ZNF423: variants seen among roughly 807,000 people sequenced by gnomAD.
ZNF423 encodes the protein zinc finger protein 423.
Under a neutral mutation model 95.8 loss-of-function variants are expected in ZNF423, and 12 were observed. The observed-to-expected ratio is 0.13, with a 90% confidence interval of 0.08 to 0.20. The LOEUF (loss-of-function observed/expected upper bound fraction) is 0.20. Among genes scored for constraint, ZNF423 ranks in the 10% least tolerant of loss-of-function variants. The probability of loss-of-function intolerance (pLI) is 1.00; values close to 1 mark genes in which losing one functional copy is unlikely to be tolerated. For synonymous variants in ZNF423, 749 were observed against 711.9 expected, an observed-to-expected ratio of 1.05 and a Z score of -0.83; for missense variants, 1,316 against 1,737.1, an observed-to-expected ratio of 0.76 and a Z score of 4.31.
At chr16:49,819,635 G>T (rs2034909467) in intron 1 of ZNF423, among the ~76,000 whole-genome samples, 1 of 152,100 alleles carries the variant, frequency 6.6e-6, no homozygotes, top group African/African-American at 2.4e-5. Flanking sequence ...TTTTAGTAGA[G>T]ACAGTGTTTC....
intron 5 of ZNF423, among the ~76,000 whole-genome samples, chr16:49,538,529 C>G (rs1486130398): frequency 1.3e-5 from 2 of 152,218 alleles, no homozygotes; most frequent in African/African-American, 4.8e-5. Flanking sequence ...GGCTCCACAG[C>G]CATCATTTCC....
intron 1 of ZNF423, among the ~76,000 whole-genome samples, chr16:49,803,194 G>GGAGTTAT (rs1377606964): frequency 6.6e-6 from 1 of 152,152 alleles, no homozygotes; most frequent in Non-Finnish European, 1.5e-5. Flanking sequence ...AGGAAGTCAA[G>GGAGTTAT]GCTGCAGTGA....
In ZNF423 at chr16:49,638,755, C is replaced by T; in HGVS notation, c.421G>A (p.Gly141Ser). The T allele has an allele frequency of 1.9e-6, 3 of 1,614,116 alleles. No homozygotes were observed. The highest frequency in any genetic ancestry group is 1.7e-5 in the Admixed American group (1 of 60,024). ...TGGCAAGGGTATGGCAGGCCCGTGC[C>T]CCCTTCCTCCTCGCCGAGGCCGAGG... Reference protein sequence around the residue: ...CDLGLGEEEGGTGLPYPCQFC... With the variant: ...CDLGLGEEEGSTGLPYPCQFC... Residue 141 changes from glycine to serine, a missense_variant, in exon 4 of 8, where the codon GGC (glycine) becomes AGC (serine). By Grantham distance (56) the Gly-to-Ser change is moderately conservative. This residue lies in a region of ZNF423 where 155 missense variants were observed against 170.8 expected (regional missense o/e 0.91). Coordinates refer to ENST00000563137, the MANE Select transcript of ZNF423 (RefSeq NM_001379286.1). This position sits in a 1 kb window ranked among gnomAD's most constrained non-coding sequence, Gnocchi z 5.6.
intron 3 of ZNF423, among the ~76,000 whole-genome samples, chr16:49,687,755 G>C (rs1471307481): frequency 1.3e-5 from 2 of 152,184 alleles, no homozygotes; most frequent in African/African-American, 4.8e-5. Flanking sequence ...TGCGGCTCCT[G>C]TTTCCACAGC....
chr16:49,491,297 G>T lies in ZNF423; in HGVS notation c.3857C>A (p.Thr1286Lys), dbSNP rs369646519. Residue 1286 changes from threonine to lysine, a missense_variant, in exon 8 of 8, where the codon ACG (threonine) becomes AAG (lysine). Transcript: ENST00000563137. ...FFFQTELQNH[T>K]MSQHAQ ...CCCTCACTGTGCGTGCTGGCTCATC[G>T]TGTGGTTCTGCAAAGGCGAAGAAAG... 1.6e-4 allele frequency: 265 copies of T among 1,613,924 alleles called. No individual in the cohort carries two copies. Among genetic ancestry groups the T allele is most frequent in the Non-Finnish European group, 2.2e-4 (257 of 1,180,042 alleles).
At chr16:49,633,131 C>T (rs1471644976) in intron 4 of ZNF423, among the ~76,000 whole-genome samples, 3 of 152,180 alleles carry the variant, frequency 2.0e-5, no homozygotes, top group Admixed American at 6.5e-5. Context: ...GGGTTCAAGT[C>T]TCCTCTCAGC....
intron 1 of ZNF423, among the ~76,000 whole-genome samples, chr16:49,827,652 A>T (rs1449741284): frequency 6.6e-6 from 1 of 152,044 alleles, no homozygotes; most frequent in Admixed American, 6.6e-5. Flanking sequence ...AGTAGCTGGG[A>T]CTACAGGCAT....
chr16:49,528,107 C>A (rs1461308930), intron 5 of ZNF423, among the ~76,000 whole-genome samples: 1 of 152,200 alleles, frequency 6.6e-6, no homozygotes, highest in African/African-American at 2.4e-5. Flanking sequence ...GCTGAGACGG[C>A]AAACAGGATT....
intron 7 of ZNF423, among the ~76,000 whole-genome samples, chr16:49,506,312 T>C (rs978200318): frequency 6.6e-6 from 1 of 151,574 alleles, no homozygotes; most frequent in Admixed American, 6.6e-5. Flanking sequence ...TATGGGGGAA[T>C]GGATGGTAGA....
At chr16:49,585,805 G>A (rs567008506) in intron 5 of ZNF423, among the ~76,000 whole-genome samples, 1 of 152,188 alleles carries the variant, frequency 6.6e-6, no homozygotes, top group Non-Finnish European at 1.5e-5. Context: ...TCCGTCATGA[G>A]AGGCAAGCCA....
intron 1 of ZNF423, among the ~76,000 whole-genome samples, chr16:49,840,333 T>TG (rs916434529): frequency 1.5e-4 from 23 of 152,210 alleles, no homozygotes; most frequent in African/African-American, 4.1e-4. Context: ...TTTCTCTTTT[T>TG]GGGGGGGTGG....
chr16:49,737,898 C>T (rs1012644934), intron 2 of ZNF423, among the ~76,000 whole-genome samples: 7 of 152,186 alleles, frequency 4.6e-5, no homozygotes, highest in Admixed American at 3.9e-4. Flanking sequence ...CGGGAGTCAG[C>T]TAGTCAGCAG....
intron 3 of ZNF423, among the ~76,000 whole-genome samples, chr16:49,723,324 C>T (rs961672108): frequency 6.6e-6 from 1 of 152,196 alleles, no homozygotes; most frequent in Non-Finnish European, 1.5e-5. Flanking sequence ...ATCTAACCAC[C>T]AGTGTGGCAC....
At chr16:49,689,120 G>A (rs1181019376) in intron 3 of ZNF423, among the ~76,000 whole-genome samples, 1 of 152,112 alleles carries the variant, frequency 6.6e-6, no homozygotes, top group African/African-American at 2.4e-5. Flanking sequence ...GTTTACCCGG[G>A]GCATGGGTCT....
chr16:49,542,691 G>A (rs1354677961), intron 5 of ZNF423, among the ~76,000 whole-genome samples: 1 of 152,206 alleles, frequency 6.6e-6, no homozygotes, highest in Non-Finnish European at 1.5e-5. Flanking sequence ...CACTTTGTCT[G>A]GCTGGGTGCA....
chr16:49,543,619 C>A (rs1969333128), intron 5 of ZNF423, among the ~76,000 whole-genome samples: 1 of 152,294 alleles, frequency 6.6e-6, no homozygotes, highest in Admixed American at 6.5e-5. Flanking sequence ...TCAGTGCAGC[C>A]CGGGAGGAAT....
chr16:49,562,552 GA>G (rs1379807085), intron 5 of ZNF423, among the ~76,000 whole-genome samples: 3 of 152,314 alleles, frequency 2.0e-5, no homozygotes, highest in Middle Eastern at 3.4e-3. Context: ...GTACAGTCTG[GA>G]AACTAGATCC....
intron 2 of ZNF423, 36 bp downstream of exon 2, chr16:49,789,451 C>T (rs367970787): frequency 1.3e-6 from 2 of 1,596,840 alleles, no homozygotes; most frequent in Non-Finnish European, 8.5e-7. Context: ...CCCCCAGGAC[C>T]CCCTGCAACT....
At chr16:49,664,304 C>T (rs531342601) in intron 3 of ZNF423, 29 of 985,762 alleles carry the variant, frequency 2.9e-5, no homozygotes, top group Middle Eastern at 5.2e-4. Flanking sequence ...GCTGCTCCCG[C>T]GGCGGCGCTT....
Sources: gnomAD v4.1 joint callset for allele counts (sites outside exome capture counted in the v4.1 genomes callset) on GRCh38, gnomAD v4.1.1 for gene constraint, gnomAD v4.1.1 regional missense constraint, Gnocchi (gnomAD v3.1) non-coding constraint, MANE v1.5 for transcripts, NCBI Gene and HGNC (gene_info 2026-07-23, HGNC 2026-07-21) for gene names.